Variants in AK5 observed in about 807,000 individuals in gnomAD.
AK5 encodes adenylate kinase isoenzyme 5.
In AK5, 27 loss-of-function variants were observed where a neutral mutation model predicts 69.5. That is an observed-to-expected ratio of 0.39 (90% CI 0.29 to 0.54). The LOEUF (loss-of-function observed/expected upper bound fraction) is 0.54. AK5 is among the 20% of genes least tolerant of loss of function. The probability of loss-of-function intolerance (pLI) is 0.71; values close to 1 mark genes in which losing one functional copy is unlikely to be tolerated. For missense variants in AK5, 531 were observed against 700.4 expected (o/e 0.76, Z 2.73); for synonymous variants, 260 against 244.4 (o/e 1.06, Z -0.60).
chr1:77,532,777 C>T (rs1263602392), intron 12 of AK5, among the ~76,000 whole-genome samples: 1 of 152,152 alleles, frequency 6.6e-6, no homozygotes, highest in Non-Finnish European at 1.5e-5. Flanking sequence ...GAGGCTGGTG[C>T]CAGAGCCCCA....
chr1:77,383,642 CTT>C (rs1647807939), intron 6 of AK5, among the ~76,000 whole-genome samples: 1 of 152,108 alleles, frequency 6.6e-6, no homozygotes. Context: ...CAATATATTT[CTT>C]GTTTCTGACC....
At chr1:77,491,232 T>C (rs1655973134) in intron 10 of AK5, among the ~76,000 whole-genome samples, 1 of 151,904 alleles carries the variant, frequency 6.6e-6, no homozygotes, top group Non-Finnish European at 1.5e-5. Flanking sequence ...AATATTGCAA[T>C]GCCTGGCACT....
At chr1:77,549,406 T>C (rs1432673732) in intron 13 of AK5, among the ~76,000 whole-genome samples, 3 of 152,190 alleles carry the variant, frequency 2.0e-5, no homozygotes, top group Non-Finnish European at 2.9e-5. Flanking sequence ...TCAGGGTAAA[T>C]GAGGTATCTA....
At chr1:77,354,814 T>G (rs1326813457) in intron 6 of AK5, among the ~76,000 whole-genome samples, 1 of 152,148 alleles carries the variant, frequency 6.6e-6, no homozygotes, top group Non-Finnish European at 1.5e-5. Flanking sequence ...TCAAAGAATT[T>G]CCACAATTGC....
chr1:77,435,860 G>C (rs115754276), intron 8 of AK5, among the ~76,000 whole-genome samples: 1 of 151,950 alleles, frequency 6.6e-6, no homozygotes, highest in Non-Finnish European at 1.5e-5. Context: ...TTAATCCTTA[G>C]AAAGATATAC....
chr1:77,304,377 G>A (rs994698622), intron 5 of AK5, among the ~76,000 whole-genome samples: 11 of 149,590 alleles, frequency 7.4e-5, no homozygotes, highest in Admixed American at 4.0e-4. Flanking sequence ...ACAGTACTCC[G>A]TTGTATATAT....
chr1:77,534,790 T>G (rs1162528067), intron 12 of AK5, among the ~76,000 whole-genome samples: 2 of 152,144 alleles, frequency 1.3e-5, no homozygotes, highest in Non-Finnish European at 2.9e-5. Flanking sequence ...ATGCCATGAA[T>G]AGCCATTGCA....
At chr1:77,524,150 T>C (rs1423442150) in intron 12 of AK5, among the ~76,000 whole-genome samples, 1 of 152,240 alleles carries the variant, frequency 6.6e-6, no homozygotes, top group Non-Finnish European at 1.5e-5. Flanking sequence ...TTCCATTGTA[T>C]GTATATGCCA....
At chr1:77,491,611 T>G (rs1464129140) in intron 10 of AK5, among the ~76,000 whole-genome samples, 1 of 152,200 alleles carries the variant, frequency 6.6e-6, no homozygotes, top group African/African-American at 2.4e-5. Context: ...AGCCATGAAT[T>G]GATTATTTAA....
At chr1:77,304,146 C>A (rs1422451342) in intron 5 of AK5, among the ~76,000 whole-genome samples, 2 of 152,214 alleles carry the variant, frequency 1.3e-5, no homozygotes, top group Non-Finnish European at 2.9e-5. Flanking sequence ...GCCTCCACCC[C>A]CCGACACATC....
chr1:77,497,921 C>CTTG (rs1271952492), intron 10 of AK5, among the ~76,000 whole-genome samples: 2 of 144,382 alleles, frequency 1.4e-5, no homozygotes, highest in Non-Finnish European at 3.1e-5. Flanking sequence ...TATGAGATAT[C>CTTG]CAAGCAGTGA....
At chr1:77,505,015 C>T (rs1656946727) in intron 10 of AK5, among the ~76,000 whole-genome samples, 1 of 152,104 alleles carries the variant, frequency 6.6e-6, no homozygotes, top group Non-Finnish European at 1.5e-5. Flanking sequence ...CGGTAAAATT[C>T]ACAGATATGA....
intron 8 of AK5, among the ~76,000 whole-genome samples, chr1:77,475,605 T>C (rs1422811222): frequency 6.8e-6 from 1 of 147,654 alleles, no homozygotes; most frequent in Non-Finnish European, 1.5e-5. Flanking sequence ...TATATATGTA[T>C]GGCACCTAAT....
chr1:77,420,965 C>T (rs1650774185), intron 8 of AK5, among the ~76,000 whole-genome samples: 1 of 152,136 alleles, frequency 6.6e-6, no homozygotes, highest in Admixed American at 6.5e-5. Context: ...ATGAATGTGG[C>T]TTTGTTGCAG....
At chr1:77,378,537 T>G (rs75221975) in intron 6 of AK5, among the ~76,000 whole-genome samples, 1 of 152,184 alleles carries the variant, frequency 6.6e-6, no homozygotes, top group Non-Finnish European at 1.5e-5. Context: ...ATCAGGCTGG[T>G]CTCAAATTCC....
chr1:77,367,787 TTA>T (rs374250195), intron 6 of AK5, among the ~76,000 whole-genome samples: 12 of 6,452 alleles, frequency 1.9e-3, no homozygotes, highest in East Asian at 0.014. Flanking sequence ...ATAATATATG[TTA>T]TATATGTTAT....
intron 6 of AK5, among the ~76,000 whole-genome samples, chr1:77,351,970 C>CTTTTTTTTTTTTTTT: frequency 7.4e-6 from 1 of 135,598 alleles, no homozygotes. Flanking sequence ...GCTCTTGTTG[C>CTTTTTTTTTTTTTTT]CCAGGCTGGA....
chr1:77,438,308 A>G (rs990161720), intron 8 of AK5, among the ~76,000 whole-genome samples: 5 of 144,966 alleles, frequency 3.4e-5, no homozygotes, highest in Admixed American at 2.8e-4. Context: ...AAAAAAAAAA[A>G]AAAAAAAAAA....
intron 6 of AK5, among the ~76,000 whole-genome samples, chr1:77,351,781 T>TA (rs1662215581): frequency 6.6e-6 from 1 of 152,170 alleles, no homozygotes; most frequent in Admixed American, 6.5e-5. Context: ...ACGGAGTTTT[T>TA]AGCTTTACAA....
Sources: gnomAD v4.1 joint callset for allele counts (sites outside exome capture counted in the v4.1 genomes callset) on GRCh38, gnomAD v4.1.1 for gene constraint, MANE v1.5 for transcripts, NCBI Gene and HGNC (gene_info 2026-07-23, HGNC 2026-07-21) for gene names.